The following CADM2 variants were observed in gnomAD, a reference collection of about 807,000 sequenced individuals.
CADM2 encodes immunoglobulin superfamily member 4D.
Under a neutral mutation model 49.8 loss-of-function variants are expected in CADM2, and 12 were observed. That is an observed-to-expected ratio of 0.24 (90% confidence interval 0.15 to 0.39). The LOEUF is 0.39. CADM2 is among the 10% of genes least tolerant of loss of function. The pLI is 1.00. For missense variants in CADM2, 378 were observed against 492.3 expected, an observed-to-expected ratio of 0.77 and a Z score of 2.20; for synonymous variants, 214 against 175.4, an observed-to-expected ratio of 1.22 and a Z score of -1.74.
At chr3:85,861,716 T>C (rs1357335158) in intron 3 of CADM2, among the ~76,000 whole-genome samples, 1 of 152,124 alleles carries the variant, frequency 6.6e-6, no homozygotes, top group Non-Finnish European at 1.5e-5. Context: ...AAATATTTAT[T>C]TGTCAGGTGC....
chr3:85,143,209 G>A (rs2039629768), intron 1 of CADM2, among the ~76,000 whole-genome samples: 1 of 152,206 alleles, frequency 6.6e-6, no homozygotes. Context: ...GTGACTGAGT[G>A]TGGTGGCTCA....
chr3:85,406,116 A>G (rs1410811690), intron 1 of CADM2, among the ~76,000 whole-genome samples: 3 of 152,018 alleles, frequency 2.0e-5, no homozygotes, highest in Admixed American at 6.6e-5. Flanking sequence ...TTTAGAGACC[A>G]ACCAATAGAC....
intron 1 of CADM2, among the ~76,000 whole-genome samples, chr3:85,434,821 A>G (rs995258607): frequency 1.3e-5 from 2 of 152,118 alleles, no homozygotes; most frequent in Admixed American, 6.6e-5. Context: ...GCTCAGGTTA[A>G]TGTGACCCGT....
intron 5 of CADM2, among the ~76,000 whole-genome samples, chr3:85,897,538 G>C (rs1715417096): frequency 6.6e-6 from 1 of 151,506 alleles, no homozygotes. Flanking sequence ...CAAAGTGCTG[G>C]GATTACAGGC....
intron 1 of CADM2, among the ~76,000 whole-genome samples, chr3:85,119,422 A>G (rs1213276425): frequency 6.6e-6 from 1 of 152,146 alleles, no homozygotes; most frequent in Non-Finnish European, 1.5e-5. Flanking sequence ...GTTTAAAGTC[A>G]GGTAGTGTGA....
At chr3:85,397,805 T>C (rs2034870146) in intron 1 of CADM2, among the ~76,000 whole-genome samples, 1 of 152,152 alleles carries the variant, frequency 6.6e-6, no homozygotes, top group African/African-American at 2.4e-5. Context: ...TGAAAATGGA[T>C]AGTGGTGATG....
intron 1 of CADM2, among the ~76,000 whole-genome samples, chr3:85,329,255 G>A (rs958744884): frequency 1.3e-5 from 2 of 152,080 alleles, no homozygotes; most frequent in South Asian, 2.1e-4. Context: ...AAATAACACA[G>A]GACGGGCATG....
At chr3:85,468,580 C>T (rs549857048) in intron 1 of CADM2, among the ~76,000 whole-genome samples, 1 of 123,412 alleles carries the variant, frequency 8.1e-6, no homozygotes, top group East Asian at 3.4e-4. Context: ...AAAGAAATTA[C>T]TGATCTTTTT....
chr3:85,581,110 A>C (rs72909298), intron 1 of CADM2, among the ~76,000 whole-genome samples: 6,526 of 152,196 alleles, frequency 0.043, 471 homozygotes, highest in African/African-American at 0.15. Flanking sequence ...TCTGCACACT[A>C]TGTTTAGAAA....
intron 1 of CADM2, among the ~76,000 whole-genome samples, chr3:85,021,294 G>C (rs1200193814): frequency 1.3e-5 from 2 of 152,130 alleles, no homozygotes; most frequent in African/African-American, 2.4e-5. Flanking sequence ...GCCAATTTTA[G>C]TTGGTAAATA....
intron 1 of CADM2, among the ~76,000 whole-genome samples, chr3:85,030,232 C>T (rs956221077): frequency 3.9e-5 from 6 of 152,180 alleles, no homozygotes; most frequent in African/African-American, 1.4e-4. Flanking sequence ...CTATTCTAGT[C>T]ACACAACCTT....
At chr3:85,211,344 G>A (rs746025803) in intron 1 of CADM2, among the ~76,000 whole-genome samples, 20 of 151,866 alleles carry the variant, frequency 1.3e-4, no homozygotes, top group Non-Finnish European at 2.6e-4. Flanking sequence ...TTTGGGGTTT[G>A]GTTTGTTTTT....
At chr3:85,775,581 T>C (rs936673521) in intron 2 of CADM2, among the ~76,000 whole-genome samples, 3 of 151,970 alleles carry the variant, frequency 2.0e-5, no homozygotes, top group South Asian at 2.1e-4. Context: ...AAACTGCTTT[T>C]TAAAAATTTG....
intron 8 of CADM2, among the ~76,000 whole-genome samples, chr3:86,040,185 T>C (rs1254455315): frequency 6.6e-6 from 1 of 151,968 alleles, no homozygotes; most frequent in Non-Finnish European, 1.5e-5. Context: ...CCTCTCCTCC[T>C]CCAAAGGAAC....
At chr3:85,043,524 A>C (rs2107373115) in intron 1 of CADM2, among the ~76,000 whole-genome samples, 1 of 152,062 alleles carries the variant, frequency 6.6e-6, no homozygotes, top group African/African-American at 2.4e-5. Flanking sequence ...TCAAAAAAGT[A>C]AAATAAAATA....
intron 1 of CADM2, among the ~76,000 whole-genome samples, chr3:85,293,995 A>T (rs2043879096): frequency 6.6e-6 from 1 of 152,040 alleles, no homozygotes; most frequent in Non-Finnish European, 1.5e-5. Flanking sequence ...GAGGAAGTCA[A>T]ATTGTCCCTG....
Position 85,796,578 on chromosome 3 carries a change from T to C in CADM2, c.89-5469T>C, listed in dbSNP as rs985748789. Among the ~76,000 whole-genome samples the C allele has an allele frequency of 2.0e-5, 3 of 152,136 alleles. No homozygotes were observed. The East Asian group carries it at 5.8e-4, about 29-fold the overall frequency. On this transcript the variant is annotated intron_variant, in intron 2 of 9. Transcript: ENST00000383699. ...CATTGAGGAGACAAAGCCTCTGATA[T>C]CAGATTTTTTACTTGATAGGCTTAA...
chr3:85,937,282 T>A (rs1054970990), intron 7 of CADM2, among the ~76,000 whole-genome samples: 1 of 152,028 alleles, frequency 6.6e-6, no homozygotes, highest in African/African-American at 2.4e-5. Flanking sequence ...TGCAGATGAA[T>A]GAAAAGCACA....
chr3:85,666,405 T>C (rs2107621660), intron 1 of CADM2, among the ~76,000 whole-genome samples: 1 of 152,076 alleles, frequency 6.6e-6, no homozygotes, highest in Middle Eastern at 3.4e-3. Context: ...TACCTAGCTA[T>C]AAGCCTGGTA....
Sources: allele counts gnomAD v4.1 joint callset (sites outside exome capture counted in the v4.1 genomes callset), GRCh38; gene constraint gnomAD v4.1.1; transcripts MANE v1.5; gene names NCBI Gene and HGNC (gene_info 2026-07-23, HGNC 2026-07-21).